The following CACNA1C variants were observed in gnomAD, a reference collection of about 807,000 sequenced individuals.
The protein encoded by CACNA1C is voltage-dependent L-type calcium channel subunit alpha-1C.
CACNA1C carries 30 observed loss-of-function variants against 229.0 expected under a neutral mutation model. The ratio of observed to expected loss-of-function variants is 0.13; its 90% CI spans 0.10 to 0.18. The LOEUF (loss-of-function observed/expected upper bound fraction) is 0.18. Ranked by LOEUF, CACNA1C falls within the 10% of genes least tolerant of loss-of-function variation. The pLI is 1.00. For missense variants in CACNA1C, 1,658 were observed against 2,845.0 expected (o/e 0.58, Z 9.49); for synonymous variants, 1,114 against 1,132.5 (o/e 0.98, Z 0.33).
chr12:2,123,706 T>C (rs940819205), intron 3 of CACNA1C, among the ~76,000 whole-genome samples: 1 of 152,172 alleles, frequency 6.6e-6, no homozygotes, highest in East Asian at 1.9e-4. Flanking sequence ...ATCTCTGACA[T>C]CTTCTTCCCC....
chr12:1,972,786 A>T (rs1008917143), intron 1 of CACNA1C, among the ~76,000 whole-genome samples: 1 of 152,172 alleles, frequency 6.6e-6, no homozygotes, highest in Admixed American at 6.6e-5. Flanking sequence ...TCTCAAAAGG[A>T]AAAAAAGAAG....
intron 3 of CACNA1C, among the ~76,000 whole-genome samples, chr12:2,425,668 C>T (rs1022637988): frequency 8.5e-5 from 13 of 152,280 alleles, no homozygotes; most frequent in Middle Eastern, 3.4e-3. Flanking sequence ...TTTAAATGCA[C>T]TTACCTCATT....
At chr12:2,340,962 A>AG (rs2096844552) in intron 3 of CACNA1C, among the ~76,000 whole-genome samples, 1 of 151,546 alleles carries the variant, frequency 6.6e-6, no homozygotes, top group Non-Finnish European at 1.5e-5. Flanking sequence ...GTCTCAAAAA[A>AG]GAAAAAAAAA....
chr12:2,355,932 C>T (rs1567212459), intron 3 of CACNA1C, among the ~76,000 whole-genome samples: 3 of 152,190 alleles, frequency 2.0e-5, no homozygotes, highest in African/African-American at 7.2e-5. Context: ...TGGGAGCTCC[C>T]AGAGGGCAGG....
At position 2,677,356 on chromosome 12, in the gene CACNA1C, A is replaced by G; in HGVS notation, c.4956+135A>G. ...GAGGGAACCTTTCAGAGAGCTCCAG[A>G]CCTTTCCAAAGATGGCTGTGAGAAG... On this transcript the variant is annotated intron_variant, in intron 40 of 46. Coordinates refer to ENST00000399655, the MANE Select transcript of CACNA1C (RefSeq NM_000719.7). The surrounding 1 kb of genome is among the most constrained non-coding windows in gnomAD (Gnocchi z 7.4). 1.0e-6 allele frequency: 1 copy of G among 984,460 alleles called. No individual in the cohort carries two copies. The highest frequency in any genetic ancestry group is 1.5e-6 in the Non-Finnish European group (1 of 682,648). The allele number at this position is 984,460 out of a possible 1,614,324, so 61.0% of individuals were successfully genotyped here. A position where few individuals can be genotyped will look rare whatever the true frequency, so the allele number is the denominator to read the frequency against.
At chr12:2,164,850 G>A (rs183901219) in intron 3 of CACNA1C, among the ~76,000 whole-genome samples, 13 of 152,250 alleles carry the variant, frequency 8.5e-5, no homozygotes, top group Admixed American at 3.3e-4. Context: ...CAGGTATGGC[G>A]CACACACAGT....
At chr12:2,590,378 A>C (rs1371324517) in intron 18 of CACNA1C, among the ~76,000 whole-genome samples, 6 of 152,212 alleles carry the variant, frequency 3.9e-5, no homozygotes, top group African/African-American at 1.4e-4. Flanking sequence ...AAGAACAAAA[A>C]TTAGAAAAGA....
intron 7 of CACNA1C, among the ~76,000 whole-genome samples, chr12:2,501,572 A>T (rs965102693): frequency 6.6e-6 from 1 of 152,256 alleles, no homozygotes; most frequent in Non-Finnish European, 1.5e-5. Context: ...TGGGACCTGC[A>T]GACCACAGCC....
chr12:2,267,879 C>G (rs1456382290), intron 3 of CACNA1C, among the ~76,000 whole-genome samples: 2 of 152,162 alleles, frequency 1.3e-5, no homozygotes, highest in African/African-American at 4.8e-5. Flanking sequence ...CTCGCCAGTC[C>G]TTTTTTCCAC....
chr12:2,428,195 C>T (rs2887782), intron 3 of CACNA1C, among the ~76,000 whole-genome samples: 43,122 of 152,110 alleles, frequency 0.28, 7,037 homozygotes, highest in Middle Eastern at 0.37. Flanking sequence ...TTGAAGCCTT[C>T]CCTGAAGGGA....
At chr12:2,549,469 C>A (rs1394315569) in intron 9 of CACNA1C, among the ~76,000 whole-genome samples, 2 of 152,226 alleles carry the variant, frequency 1.3e-5, no homozygotes, top group African/African-American at 4.8e-5. Context: ...AGGTAGCAAG[C>A]ACGCCCTTTC....
At chr12:2,098,794 T>A (rs2075284080) in intron 1 of CACNA1C, among the ~76,000 whole-genome samples, 1 of 152,268 alleles carries the variant, frequency 6.6e-6, no homozygotes, top group Non-Finnish European at 1.5e-5. Context: ...AGGCTTTATC[T>A]CTGGAATGAT....
intron 3 of CACNA1C, among the ~76,000 whole-genome samples, chr12:2,371,265 C>T (rs2154539819): frequency 6.6e-6 from 1 of 152,236 alleles, no homozygotes; most frequent in Admixed American, 6.5e-5. Flanking sequence ...CACAAAGCAT[C>T]CTTGAGGAGT....
At position 2,595,292 on chromosome 12, in the gene CACNA1C, C is replaced by T. The variant is rs935214353; in HGVS notation, c.2664-582C>T. Among the ~76,000 whole-genome samples the T allele has an allele frequency of 6.6e-6, 1 of 152,262 alleles. No individual in the cohort carries two copies. Among genetic ancestry groups the T allele is most frequent in the South Asian group, 2.1e-4 (1 of 4,824 alleles). ...TGAAGATGATGACACCCATCCCTTC[C>T]TTCCTACATTGCTGTCAAGATGAGA... On this transcript the variant is annotated intron_variant, in intron 19 of 46. Transcript: ENST00000399655. This position sits in a 1 kb window ranked among gnomAD's most constrained non-coding sequence, Gnocchi z 4.1.
rs546285185 is a variant in CACNA1C at position 2,355,976 on chromosome 12, C to G, written c.478-93000C>G. Reference sequence around the variant, plus strand: ...GCTTGCATCTTGCCCCAACCCTCTCCTCCAGGCCCGCAACCCCCAGGAACC... The same window carrying G: ...GCTTGCATCTTGCCCCAACCCTCTCGTCCAGGCCCGCAACCCCCAGGAACC... On this transcript the variant is annotated intron_variant, in intron 3 of 46. Transcript: ENST00000399655. Among the ~76,000 whole-genome samples the G allele has an allele frequency of 2.0e-5, 3 of 152,336 alleles. No individual in the cohort carries two copies. In the East Asian group the frequency reaches 5.8e-4, roughly 29 times the overall value.
At position 2,678,942 on chromosome 12, in the gene CACNA1C, C is replaced by T. The variant is rs1471006066; in HGVS notation, c.5092-502C>T. Among the ~76,000 whole-genome samples, 2 of 152,232 alleles carry T rather than the reference C, an allele frequency of 1.3e-5. No homozygotes were observed. The highest frequency in any genetic ancestry group is 4.8e-5 in the African/African-American group (2 of 41,472). ...GAAAAAGACCATCATGCAGGAAATT[C>T]TTCATTTTCAAAACCGTTTGGCCAA... On this transcript the variant is annotated intron_variant, in intron 41 of 46. Coordinates refer to ENST00000399655, the MANE Select transcript of CACNA1C (RefSeq NM_000719.7). The surrounding 1 kb of genome is among the most constrained non-coding windows in gnomAD (Gnocchi z 4.1).
At chr12:2,541,967 C>T (rs2099871560) in intron 9 of CACNA1C, among the ~76,000 whole-genome samples, 1 of 152,002 alleles carries the variant, frequency 6.6e-6, no homozygotes, top group African/African-American at 2.4e-5. Context: ...AGGAACAGGC[C>T]GGATATTCTC....
chr12:2,290,164 A>G (rs1470417357), intron 3 of CACNA1C, among the ~76,000 whole-genome samples: 1 of 152,202 alleles, frequency 6.6e-6, no homozygotes, highest in Non-Finnish European at 1.5e-5. Flanking sequence ...GGCCCGGCAG[A>G]GCTGGAGTCC....
chr12:2,562,398 A>G (rs1159186590), intron 11 of CACNA1C, among the ~76,000 whole-genome samples: 1 of 152,238 alleles, frequency 6.6e-6, no homozygotes, highest in Non-Finnish European at 1.5e-5. Flanking sequence ...TATTTAAAAC[A>G]TGTTCTTTGC....
Sources: allele counts gnomAD v4.1 joint callset (sites outside exome capture counted in the v4.1 genomes callset), GRCh38; gene constraint gnomAD v4.1.1; non-coding constraint Gnocchi (gnomAD v3.1); transcripts MANE v1.5; gene names NCBI Gene and HGNC (gene_info 2026-07-23, HGNC 2026-07-21).